TIPIN: variants seen among roughly 807,000 people sequenced by gnomAD.
The protein encoded by TIPIN is TIMELESS interacting protein, also known as TIMELESS-interacting protein.
TIPIN carries 29 observed loss-of-function variants against 35.6 expected under a neutral mutation model. The observed-to-expected ratio is 0.82, with a 90% CI of 0.61 to 1.11. The LOEUF is 1.11. Ranked by LOEUF, TIPIN falls within the 50% of genes most tolerant of loss-of-function variation. The pLI, the probability that TIPIN is intolerant of heterozygous loss-of-function variation, is 0.00. For synonymous variants in TIPIN, 102 were observed against 121.5 expected, an observed-to-expected ratio of 0.84 and a Z score of 1.06; for missense variants, 296 against 345.4, an observed-to-expected ratio of 0.86 and a Z score of 1.13.
chr15:66,345,516 A>T (rs2093118775), intron 6 of TIPIN, among the ~76,000 whole-genome samples: 1 of 152,172 alleles, frequency 6.6e-6, no homozygotes, highest in African/African-American at 2.4e-5. Flanking sequence ...GGAGTTTGAG[A>T]CAAGCCTGGC....
chr15:66,380,024 CG>C, intron 1 of TIPIN: 1 of 430,186 alleles, frequency 2.3e-6, no homozygotes. Context: ...TTTTTTGAGA[CG>C]GAGTCTCGCT....
intron 1 of TIPIN, among the ~76,000 whole-genome samples, chr15:66,370,106 G>A (rs1012621786): frequency 1.3e-5 from 2 of 152,118 alleles, no homozygotes; most frequent in African/African-American, 4.8e-5. Context: ...TGATTTCAAA[G>A]GAAGTCACGA....
chr15:66,364,259 G>T lies in TIPIN; in HGVS notation c.-8-11304C>A, dbSNP rs1172245265. Among the ~76,000 whole-genome samples the T allele has an allele frequency of 2.2e-5, 3 of 137,514 alleles. No homozygotes were observed. The East Asian group carries it at 7.5e-4, about 34-fold the overall frequency. 90.2% of individuals were successfully genotyped at this position (137,514 alleles called of 152,430 possible). A position where few individuals can be genotyped will look rare whatever the true frequency, so the allele number is the denominator to read the frequency against. On this transcript the variant is annotated intron_variant, in intron 1 of 7. Coordinates refer to the TIPIN transcript ENST00000562124. ...CGACTCACTGCAACCTCTGCCTCCCGAGTTCAAGCAATTCTCCTGTCTCAG... is the reference window on the plus strand; with the variant it reads ...CGACTCACTGCAACCTCTGCCTCCCTAGTTCAAGCAATTCTCCTGTCTCAG...
chr15:66,346,941 G>A (rs1016447853), intron 6 of TIPIN, among the ~76,000 whole-genome samples: 1 of 151,844 alleles, frequency 6.6e-6, no homozygotes, highest in African/African-American at 2.4e-5. Context: ...ACAGGTGCCC[G>A]CCACCACACC....
At chr15:66,365,707 C>T (rs1467648772) in intron 1 of TIPIN, among the ~76,000 whole-genome samples, 2 of 152,040 alleles carry the variant, frequency 1.3e-5, no homozygotes, top group African/African-American at 4.8e-5. Flanking sequence ...GCACCATGCC[C>T]GGCTAATTTT....
rs551178754 is a variant in TIPIN, at chr15:66,353,223, T to C, written c.-8-268A>G. On this transcript the variant is annotated intron_variant, in intron 1 of 7. Transcript: ENST00000261881. ...TTGAGTTTCCCCTACCATAAAAAGA[T>C]GAATTTGACTTTTCAGAGGGTTTCA... 3.3e-5 allele frequency among the ~76,000 whole-genome samples: 5 copies of C among 152,188 alleles called. No individual in the cohort carries two copies. In the East Asian group the frequency reaches 9.6e-4, roughly 29 times the overall value.
intron 1 of TIPIN, chr15:66,379,275 T>A: frequency 6.6e-7 from 1 of 1,507,466 alleles, no homozygotes; most frequent in Non-Finnish European, 8.8e-7. Flanking sequence ...CATTTAAATA[T>A]CACAAGTAGG....
At chr15:66,379,423 T>A in intron 1 of TIPIN, 1 of 1,603,714 alleles carries the variant, frequency 6.2e-7, no homozygotes, top group South Asian at 1.1e-5. Context: ...TAAACTGTTG[T>A]GGCTTGCTGA....
chr15:66,375,760 A>G (rs1566986690), intron 1 of TIPIN, among the ~76,000 whole-genome samples: 1 of 142,216 alleles, frequency 7.0e-6, no homozygotes, highest in Non-Finnish European at 1.6e-5. Context: ...AACACTATTA[A>G]CAATTGCTCT....
At chr15:66,366,529 G>A (rs1393843196) in intron 1 of TIPIN, among the ~76,000 whole-genome samples, 1 of 149,290 alleles carries the variant, frequency 6.7e-6, no homozygotes, top group South Asian at 2.1e-4. Context: ...CGAGTCAGGA[G>A]GATCACGAGG....
At chr15:66,379,944 G>T in intron 1 of TIPIN, 1 of 1,058,018 alleles carries the variant, frequency 9.5e-7, no homozygotes, top group Non-Finnish European at 1.4e-6. Context: ...AAAGGACCTG[G>T]AATTTATTAT....
chr15:66,341,259 T>C lies in TIPIN; in HGVS notation c.573A>G (p.Leu191=). Reference sequence around the variant, plus strand: ...GTTGCTCTTCTGTTAGGCTTCTACTTAACTCAGAAGCAAACATCTCACTTT... The same window carrying C: ...GTTGCTCTTCTGTTAGGCTTCTACTCAACTCAGAAGCAAACATCTCACTTT... ...LSESEMFASE[L]SRSLTEEQQQ... The change falls in exon 7 of 8, where the codon TTA becomes TTG. Residue 191 remains leucine (L), a synonymous_variant. Coordinates refer to ENST00000261881, the MANE Select transcript of TIPIN (RefSeq NM_017858.3). 1 of 1,613,986 alleles carries C rather than the reference T, an allele frequency of 6.2e-7. No homozygotes were observed. The highest frequency in any genetic ancestry group is 1.1e-5 in the South Asian group (1 of 91,072).
At chr15:66,364,556 G>A (rs372713814) in intron 1 of TIPIN, among the ~76,000 whole-genome samples, 7 of 152,268 alleles carry the variant, frequency 4.6e-5, no homozygotes, top group Admixed American at 2.0e-4. Context: ...GCAAAAGGCA[G>A]ATTAATAAGA....
At chr15:66,373,504 A>T (rs908174735) in intron 1 of TIPIN, among the ~76,000 whole-genome samples, 22 of 151,880 alleles carry the variant, frequency 1.4e-4, no homozygotes, top group African/African-American at 4.6e-4. Flanking sequence ...AAAAAAAAAA[A>T]AAAGGAAAAG....
intron 1 of TIPIN, among the ~76,000 whole-genome samples, chr15:66,369,037 C>T (rs186598803): frequency 6.6e-5 from 10 of 152,190 alleles, no homozygotes; most frequent in Admixed American, 1.3e-4. Context: ...AAATTCGGCT[C>T]TAAAATTCTA....
intron 1 of TIPIN, among the ~76,000 whole-genome samples, chr15:66,353,723 T>C (rs947834563): frequency 6.6e-6 from 1 of 152,068 alleles, no homozygotes; most frequent in South Asian, 2.1e-4. Context: ...CTAGGTAAGG[T>C]TTCCTGAATG....
At chr15:66,345,666 G>A (rs1274118911) in intron 6 of TIPIN, among the ~76,000 whole-genome samples, 20 of 151,634 alleles carry the variant, frequency 1.3e-4, no homozygotes, top group Non-Finnish European at 2.5e-4. Flanking sequence ...AGCCGAGATC[G>A]CACCACTGCA....
intron 1 of TIPIN, among the ~76,000 whole-genome samples, chr15:66,381,991 G>C (rs567298615): frequency 7.9e-5 from 12 of 152,204 alleles, no homozygotes; most frequent in African/African-American, 2.4e-4. Flanking sequence ...CTTGAACCTG[G>C]AAGGCAGAGG....
chr15:66,385,645 C>T (rs1324408851), intron 1 of TIPIN, among the ~76,000 whole-genome samples: 2 of 152,152 alleles, frequency 1.3e-5, no homozygotes, highest in African/African-American at 2.4e-5. Context: ...CCCGCCACCA[C>T]GCCCAGCTAA....
Sources: allele counts gnomAD v4.1 joint callset (sites outside exome capture counted in the v4.1 genomes callset), GRCh38; gene constraint gnomAD v4.1.1; transcripts MANE v1.5; gene names NCBI Gene and HGNC (gene_info 2026-07-23, HGNC 2026-07-21).